Variants in PLAC1 observed in about 807,000 individuals in gnomAD.
The protein encoded by PLAC1 is placenta-specific protein 1.
For synonymous variants in PLAC1, 68 were observed against 62.1 expected, an observed-to-expected ratio of 1.09 and a Z score of -0.44; for missense variants, 136 against 163.2, an observed-to-expected ratio of 0.83 and a Z score of 0.91.
At chrX:134,641,442 C>T (rs934704298) in intron 1 of PLAC1, among the ~76,000 whole-genome samples, 1 of 112,024 alleles carries the variant, frequency 8.9e-6, no homozygotes, top group African/African-American at 3.2e-5. Flanking sequence ...TATTCTCTGA[C>T]CTCCCTACAA....
intron 1 of PLAC1, among the ~76,000 whole-genome samples, chrX:134,757,060 C>G (rs1435409994): frequency 8.9e-6 from 1 of 111,871 alleles, no homozygotes; most frequent in Non-Finnish European, 1.9e-5. Flanking sequence ...GTGGAAGGAA[C>G]AACAGAATTG....
At position 134,677,250 on chromosome X, in the gene PLAC1, T is replaced by C. The variant is rs144199783; in HGVS notation, n.174+56185A>G. ...CAACAGATATTAACTGAGGGGCTAC[T>C]GTGTGCCAGGCACTGTACTAGCTGC... On this transcript the variant is annotated intron_variant and non_coding_transcript_variant, in intron 2 of 2. Transcript: ENST00000466797. Among the ~76,000 whole-genome samples the C allele has an allele frequency of 4.1e-3, 459 of 112,133 alleles. 1 individual carries two copies. Among genetic ancestry groups the C allele is most frequent in the African/African-American group, 0.014 (432 of 30,858 alleles).
intron 2 of PLAC1, among the ~76,000 whole-genome samples, chrX:134,577,512 A>G (rs2077945772): frequency 9.0e-6 from 1 of 111,553 alleles, no homozygotes; most frequent in African/African-American, 3.3e-5. Flanking sequence ...AACATGGTGA[A>G]GCCCCGTCTC....
chrX:134,610,465 C>T (rs2078147156), intron 1 of PLAC1, among the ~76,000 whole-genome samples: 1 of 111,205 alleles, frequency 9.0e-6, no homozygotes, highest in Admixed American at 9.6e-5. Context: ...AACAGTTTTC[C>T]TTGGTCCCTA....
chrX:134,651,977 T>G (rs1205692099), intron 1 of PLAC1, among the ~76,000 whole-genome samples: 4 of 111,733 alleles, frequency 3.6e-5, no homozygotes, highest in Admixed American at 2.9e-4. Context: ...GAGGGTATCA[T>G]GTGGGTGTGT....
chrX:134,726,885 G>A (rs769081345), intron 2 of PLAC1, among the ~76,000 whole-genome samples: 11 of 105,308 alleles, frequency 1.0e-4, no homozygotes, highest in East Asian at 6.0e-4. Flanking sequence ...CAAACTACCC[G>A]TTGCTCTAAG....
At chrX:134,761,844 T>C (rs2078770563) in intron 1 of PLAC1, among the ~76,000 whole-genome samples, 1 of 112,451 alleles carries the variant, frequency 8.9e-6, no homozygotes, top group African/African-American at 3.2e-5. Flanking sequence ...CAACATTTAC[T>C]TGTGTATACT....
chrX:134,674,124 T>C (rs755346942), intron 2 of PLAC1, among the ~76,000 whole-genome samples: 13 of 112,770 alleles, frequency 1.2e-4, no homozygotes, highest in African/African-American at 3.9e-4. Flanking sequence ...GGGAGCCATT[T>C]AGGATATGGC....
chrX:134,579,533 C>G (rs1046478433), intron 2 of PLAC1, among the ~76,000 whole-genome samples: 1 of 111,781 alleles, frequency 8.9e-6, no homozygotes, highest in African/African-American at 3.3e-5. Context: ...TAAAACTGAG[C>G]AAACCAAAGC....
At chrX:134,747,751 A>T (rs1430718447) in intron 1 of PLAC1, among the ~76,000 whole-genome samples, 3 of 111,664 alleles carry the variant, frequency 2.7e-5, no homozygotes, top group African/African-American at 9.8e-5. Context: ...TACAATGTAC[A>T]CCACTTAACA....
upstream of PLAC1, among the ~76,000 whole-genome samples, chrX:134,659,033 A>T (rs917899741): frequency 9.0e-6 from 1 of 110,818 alleles, no homozygotes; most frequent in Non-Finnish European, 1.9e-5. Context: ...GGGAGGGGAA[A>T]ACACACACTG....
intron 2 of PLAC1, among the ~76,000 whole-genome samples, chrX:134,573,703 G>A (rs1226365910): frequency 1.8e-5 from 2 of 111,638 alleles, no homozygotes; most frequent in Non-Finnish European, 3.8e-5. Flanking sequence ...TGAGGTGCAC[G>A]CATATGGCCC....
At chrX:134,593,016 C>T (rs1274810921) in intron 2 of PLAC1, among the ~76,000 whole-genome samples, 1 of 111,003 alleles carries the variant, frequency 9.0e-6, no homozygotes, top group Non-Finnish European at 1.9e-5. Flanking sequence ...CGTGAGCCAC[C>T]GCGCCCAGCG....
intron 1 of PLAC1, among the ~76,000 whole-genome samples, chrX:134,759,385 T>C (rs2078764499): frequency 9.0e-6 from 1 of 110,966 alleles, no homozygotes; most frequent in Non-Finnish European, 1.9e-5. Flanking sequence ...TCCTGACCTC[T>C]TGATCCACCC....
chrX:134,607,338 G>A (rs2078127278), intron 1 of PLAC1: 2 of 144,422 alleles, frequency 1.4e-5, no homozygotes, highest in African/African-American at 6.3e-5. Flanking sequence ...AAAACTGGAA[G>A]AGCCTACATT....
intron 1 of PLAC1, among the ~76,000 whole-genome samples, chrX:134,606,703 A>G (rs969173092): frequency 5.3e-5 from 6 of 112,350 alleles, no homozygotes; most frequent in Non-Finnish European, 1.1e-4. Context: ...GAGTCCCACT[A>G]CTGGGTATCT....
intron 1 of PLAC1, among the ~76,000 whole-genome samples, chrX:134,620,235 T>C (rs1300006034): frequency 1.8e-5 from 2 of 112,564 alleles, no homozygotes; most frequent in East Asian, 2.8e-4. Flanking sequence ...AACCTTCTTA[T>C]AGTGGCCCAT....
intron 2 of PLAC1, among the ~76,000 whole-genome samples, chrX:134,677,309 C>A (rs1411617030): frequency 2.7e-5 from 3 of 112,092 alleles, no homozygotes; most frequent in African/African-American, 9.7e-5. Flanking sequence ...CAGACATGAG[C>A]CCTGATTCAG....
At chrX:134,737,549 G>A (rs897390030) in intron 1 of PLAC1, among the ~76,000 whole-genome samples, 2 of 112,717 alleles carry the variant, frequency 1.8e-5, no homozygotes, top group African/African-American at 6.4e-5. Flanking sequence ...CATTTTCCTT[G>A]TGATTAGCTT....
Sources: gnomAD v4.1 joint callset for allele counts (sites outside exome capture counted in the v4.1 genomes callset) on GRCh38, gnomAD v4.1.1 for gene constraint, MANE v1.5 for transcripts, NCBI Gene and HGNC (gene_info 2026-07-23, HGNC 2026-07-21) for gene names.